The following TIAM1 variants were observed in gnomAD, a reference collection of about 807,000 sequenced individuals.
The protein encoded by TIAM1 is TIAM Rac1 associated GEF 1, also known as rho guanine nucleotide exchange factor TIAM1.
TIAM1 carries 65 observed loss-of-function variants against 163.5 expected under a neutral mutation model. The ratio of observed to expected loss-of-function variants is 0.40; its 90% confidence interval spans 0.33 to 0.49. The LOEUF (loss-of-function observed/expected upper bound fraction) is 0.49, where lower values mean the gene tolerates loss of function less well. Among genes scored for constraint, TIAM1 ranks in the 20% least tolerant of loss-of-function variants. The pLI, the probability that TIAM1 is intolerant of heterozygous loss-of-function variation, is 0.77. For missense variants in TIAM1, 1,789 were observed against 2,044.7 expected, an observed-to-expected ratio of 0.87 and a Z score of 2.41; for synonymous variants, 833 against 810.1, an observed-to-expected ratio of 1.03 and a Z score of -0.48.
chr21:31,381,625 G>T (rs556433184), intron 2 of TIAM1, among the ~76,000 whole-genome samples: 1 of 152,070 alleles, frequency 6.6e-6, no homozygotes. Context: ...CTGAGATCAC[G>T]CCACTGCACT....
intron 26 of TIAM1, among the ~76,000 whole-genome samples, chr21:31,126,184 T>G (rs2082188798): frequency 6.6e-6 from 1 of 152,178 alleles, no homozygotes. Flanking sequence ...TAATATTGAT[T>G]CTATTGTCTT....
rs916606986 is a variant in TIAM1, at chr21:31,451,285, G to A, written c.-369+12698C>T. ...CCCAGCCATCAGCAGAGTCGGCCAC[G>A]GGGACAGGAGGGCTTGGTGACTGGC... On this transcript the variant is annotated intron_variant, in intron 2 of 28. Coordinates refer to the TIAM1 transcript ENST00000286827. Among the ~76,000 whole-genome samples the A allele has an allele frequency of 2.3e-4, 35 of 152,290 alleles. 1 individual carries two copies. Among genetic ancestry groups the A allele is most frequent in the South Asian group, 1.7e-3 (8 of 4,826 alleles).
chr21:31,272,635 T>C (rs2073111536), intron 3 of TIAM1, among the ~76,000 whole-genome samples: 1 of 152,202 alleles, frequency 6.6e-6, no homozygotes, highest in Non-Finnish European at 1.5e-5. Flanking sequence ...TGAATCATAA[T>C]TATTTTGAAA....
intron 16 of TIAM1, among the ~76,000 whole-genome samples, chr21:31,157,107 A>T (rs960788907): frequency 6.6e-6 from 1 of 152,252 alleles, no homozygotes; most frequent in Non-Finnish European, 1.5e-5. Context: ...AAACAAGTTA[A>T]GTTCCTACAG....
At chr21:31,447,934 T>C (rs570829) in intron 2 of TIAM1, among the ~76,000 whole-genome samples, 123,844 of 152,108 alleles carry the variant, frequency 0.81, 50,726 homozygotes, top group East Asian at 0.92. Flanking sequence ...AGTCCAAGGC[T>C]GAAAGCAGGA....
intron 12 of TIAM1, among the ~76,000 whole-genome samples, chr21:31,199,588 T>C (rs1258649298): frequency 6.6e-6 from 1 of 151,194 alleles, no homozygotes; most frequent in Non-Finnish European, 1.5e-5. Flanking sequence ...TGGAGTGCAG[T>C]GGCACGATAT....
chr21:31,272,140 C>G (rs1449365563), intron 3 of TIAM1, among the ~76,000 whole-genome samples: 2 of 152,160 alleles, frequency 1.3e-5, no homozygotes, highest in Non-Finnish European at 2.9e-5. Context: ...TACAGCTGAG[C>G]AAAATCATCT....
chr21:31,166,810 G>C (rs1049980497), intron 15 of TIAM1, among the ~76,000 whole-genome samples: 1 of 152,158 alleles, frequency 6.6e-6, no homozygotes, highest in African/African-American at 2.4e-5. Flanking sequence ...CCCTGATGTG[G>C]AACAGCTGAC....
At chr21:31,252,876 T>C (rs80288833) in intron 4 of TIAM1, among the ~76,000 whole-genome samples, 3,929 of 152,330 alleles carry the variant, frequency 0.026, 79 homozygotes, top group South Asian at 0.059. Context: ...TACAGCTCCA[T>C]TGAGCTCTCC....
chr21:31,344,644 G>A (rs1015713714), upstream of TIAM1, among the ~76,000 whole-genome samples: 2 of 152,150 alleles, frequency 1.3e-5, no homozygotes, highest in African/African-American at 4.8e-5. Flanking sequence ...TCATTCAGTG[G>A]AGACCTAACT....
At chr21:31,423,350 G>C (rs959152696) in intron 2 of TIAM1, among the ~76,000 whole-genome samples, 8 of 151,756 alleles carry the variant, frequency 5.3e-5, no homozygotes, top group Non-Finnish European at 1.0e-4. Flanking sequence ...CCCTCGCCTC[G>C]GCCTCCCAAA....
chr21:31,217,918 A>C (rs2087313467), intron 8 of TIAM1, among the ~76,000 whole-genome samples: 1 of 152,234 alleles, frequency 6.6e-6, no homozygotes, highest in African/African-American at 2.4e-5. Flanking sequence ...TGGCAAATTC[A>C]ATCCTTGTTT....
At chr21:31,509,876 G>A (rs907490268) in intron 1 of TIAM1, among the ~76,000 whole-genome samples, 13 of 152,088 alleles carry the variant, frequency 8.5e-5, no homozygotes, top group Non-Finnish European at 1.5e-4. Flanking sequence ...GCCAATTACC[G>A]CTGGGCCCCT....
At chr21:31,387,668 A>G (rs912461307) in intron 2 of TIAM1, among the ~76,000 whole-genome samples, 2 of 151,766 alleles carry the variant, frequency 1.3e-5, no homozygotes, top group African/African-American at 4.8e-5. Flanking sequence ...ACGGCTGCGG[A>G]CGCTGGTCCA....
chr21:31,525,855 G>A (rs2047762319), intron 1 of TIAM1, among the ~76,000 whole-genome samples: 1 of 152,000 alleles, frequency 6.6e-6, no homozygotes, highest in African/African-American at 2.4e-5. Context: ...CCAACATGGT[G>A]AAATCCCGCC....
intron 8 of TIAM1, among the ~76,000 whole-genome samples, chr21:31,218,608 G>A (rs1195361205): frequency 6.6e-6 from 1 of 151,900 alleles, no homozygotes; most frequent in Non-Finnish European, 1.5e-5. Context: ...ATATGTAAGT[G>A]AGCATGCAGC....
intron 2 of TIAM1, among the ~76,000 whole-genome samples, chr21:31,441,203 C>G (rs73902344): frequency 0.044 from 6,705 of 152,256 alleles, 497 homozygotes; most frequent in African/African-American, 0.15. Flanking sequence ...CATGTGAAAG[C>G]TCACAGCACA....
chr21:31,217,595 A>G lies in TIAM1; in HGVS notation c.2100T>C (p.Asp700=), dbSNP rs1256535294. The change falls in exon 9 of 28, where the codon GAT becomes GAC. Residue 700 remains aspartate, a synonymous_variant. Transcript: ENST00000541036. The part of the protein sequence containing the change: ...RSRFSSLWGL[D]TTSKKKQGRP... ...GTCCCTGCTTCTTTTTGGAGGTAGT[A>G]TCCAGACCCCACAGAGAAGAAAACC... The G allele has an allele frequency of 1.9e-6, 3 of 1,614,066 alleles. No homozygotes were observed. The highest frequency in any genetic ancestry group is 2.5e-6 in the Non-Finnish European group (3 of 1,179,984).
At chr21:31,521,207 G>A (rs938068276) in intron 1 of TIAM1, among the ~76,000 whole-genome samples, 2 of 152,120 alleles carry the variant, frequency 1.3e-5, no homozygotes, top group South Asian at 2.1e-4. Context: ...TAATGAGGTC[G>A]GCTTTCTATT....
Sources: allele counts gnomAD v4.1 joint callset (sites outside exome capture counted in the v4.1 genomes callset), GRCh38; gene constraint gnomAD v4.1.1; transcripts MANE v1.5; gene names NCBI Gene and HGNC (gene_info 2026-07-23, HGNC 2026-07-21).